DACH2: variants seen among roughly 807,000 people sequenced by gnomAD.
DACH2 encodes dachshund homolog 2.
Under a neutral mutation model 35.8 loss-of-function variants are expected in DACH2, and 17 were observed. That is an observed-to-expected ratio of 0.48 (90% CI 0.33 to 0.71). The LOEUF (loss-of-function observed/expected upper bound fraction) is 0.71. Among genes scored for constraint, DACH2 ranks in the 30% least tolerant of loss-of-function variants. The pLI is 0.02. For missense variants in DACH2, 469 were observed against 472.7 expected, an observed-to-expected ratio of 0.99 and a Z score of 0.07; for synonymous variants, 195 against 177.3, an observed-to-expected ratio of 1.10 and a Z score of -0.79.
At chrX:86,274,791 C>A (rs940265876) in intron 1 of DACH2, among the ~76,000 whole-genome samples, 1 of 110,904 alleles carries the variant, frequency 9.0e-6, no homozygotes, top group African/African-American at 3.3e-5. Flanking sequence ...AGCCACCGCG[C>A]CCTGCCAACA....
intron 1 of DACH2, among the ~76,000 whole-genome samples, chrX:86,155,796 T>A (rs936442501): frequency 6.3e-5 from 7 of 110,890 alleles, no homozygotes; most frequent in African/African-American, 2.3e-4. Context: ...TATTCCTACC[T>A]TTATTAGAAT....
At chrX:86,286,398 G>A (rs1243464617) in intron 1 of DACH2, among the ~76,000 whole-genome samples, 1 of 110,877 alleles carries the variant, frequency 9.0e-6, no homozygotes, top group African/African-American at 3.3e-5. Context: ...CCAAAGTGCT[G>A]GGATTACAGG....
intron 1 of DACH2, among the ~76,000 whole-genome samples, chrX:86,196,920 G>C (rs1331657801): frequency 9.1e-6 from 1 of 109,513 alleles, no homozygotes; most frequent in Non-Finnish European, 1.9e-5. Context: ...ACCCAAGTAA[G>C]ATACTTCAAA....
intron 6 of DACH2, among the ~76,000 whole-genome samples, chrX:86,738,200 A>C (rs2041616484): frequency 8.9e-6 from 1 of 112,010 alleles, no homozygotes; most frequent in South Asian, 3.7e-4. Context: ...ACAAATTCAC[A>C]GGTTCCTGTA....
chrX:86,613,816 G>A (rs1207859345), intron 3 of DACH2, among the ~76,000 whole-genome samples: 2 of 111,316 alleles, frequency 1.8e-5, no homozygotes, highest in African/African-American at 6.5e-5. Context: ...CAGTCACATG[G>A]TCTGTTCTAG....
At chrX:86,498,697 A>G (rs747711450) in intron 2 of DACH2, among the ~76,000 whole-genome samples, 9 of 112,334 alleles carry the variant, frequency 8.0e-5, no homozygotes, top group African/African-American at 2.6e-4. Context: ...TACCTGGCTT[A>G]TAGTTATGAA....
chrX:86,153,610 A>C (rs778504069), intron 1 of DACH2, among the ~76,000 whole-genome samples: 19 of 111,902 alleles, frequency 1.7e-4, no homozygotes, highest in African/African-American at 6.1e-4. Flanking sequence ...AAAACATTTT[A>C]GAAAAGAATC....
At chrX:86,360,564 C>T (rs1320793222) in intron 1 of DACH2, among the ~76,000 whole-genome samples, 3 of 111,234 alleles carry the variant, frequency 2.7e-5, no homozygotes, top group Non-Finnish European at 3.8e-5. Context: ...CATATCAACC[C>T]AATACATGCT....
intron 1 of DACH2, among the ~76,000 whole-genome samples, chrX:86,375,507 C>A (rs1375641659): frequency 9.6e-6 from 1 of 104,153 alleles, no homozygotes; most frequent in East Asian, 3.0e-4. Flanking sequence ...GAAAAAGTGC[C>A]CTCAAATCCA....
At chrX:86,510,646 G>A (rs1374461063) in intron 2 of DACH2, among the ~76,000 whole-genome samples, 1 of 111,170 alleles carries the variant, frequency 9.0e-6, no homozygotes, top group African/African-American at 3.3e-5. Context: ...AAATAACCTA[G>A]AAATATTACA....
At chrX:86,815,522 A>G (rs2042439080) in intron 10 of DACH2, among the ~76,000 whole-genome samples, 1 of 109,049 alleles carries the variant, frequency 9.2e-6, no homozygotes, top group Admixed American at 1.0e-4. Flanking sequence ...TAGAGCCAGT[A>G]CTACATGAAG....
intron 5 of DACH2, 109 bp downstream of exon 5, chrX:86,695,288 T>A: frequency 1.5e-6 from 1 of 649,584 alleles, no homozygotes; most frequent in Non-Finnish European, 2.1e-6. Flanking sequence ...CAATAAAGTT[T>A]AACAATTTAA....
chrX:86,322,501 T>G (rs1306585630), intron 1 of DACH2, among the ~76,000 whole-genome samples: 1 of 111,426 alleles, frequency 9.0e-6, no homozygotes, highest in East Asian at 2.9e-4. Flanking sequence ...GCACCATAAT[T>G]GCCACCCTGT....
chrX:86,284,667 G>A (rs1227624715), intron 1 of DACH2, among the ~76,000 whole-genome samples: 1 of 111,120 alleles, frequency 9.0e-6, no homozygotes, highest in Non-Finnish European at 1.9e-5. Flanking sequence ...AATTGTTTGA[G>A]TAGGATTGGT....
At chrX:86,750,324 T>C (rs1415591808) in intron 7 of DACH2, among the ~76,000 whole-genome samples, 2 of 112,243 alleles carry the variant, frequency 1.8e-5, no homozygotes, top group Non-Finnish European at 3.8e-5. Flanking sequence ...TTTGTCACAT[T>C]GTTTTGCTGT....
At chrX:86,335,392 T>C (rs1041463857) in intron 1 of DACH2, among the ~76,000 whole-genome samples, 2 of 112,183 alleles carry the variant, frequency 1.8e-5, no homozygotes, top group Non-Finnish European at 3.8e-5. Context: ...TAACATGAAA[T>C]GTTTTTCCAT....
At chrX:86,731,617 A>G (rs2041533332) in intron 6 of DACH2, among the ~76,000 whole-genome samples, 1 of 112,257 alleles carries the variant, frequency 8.9e-6, no homozygotes, top group South Asian at 3.6e-4. Flanking sequence ...ATGGTATTAA[A>G]TTGGAAGGGA....
At chrX:86,717,029 T>A (rs12858294) in intron 6 of DACH2, among the ~76,000 whole-genome samples, 29,943 of 111,275 alleles carry the variant, frequency 0.27, 3,361 homozygotes, top group Middle Eastern at 0.42. Context: ...TCTACTTTCA[T>A]GTGGTTATTT....
At chrX:86,541,023 A>G (rs2038873284) in intron 3 of DACH2, among the ~76,000 whole-genome samples, 1 of 111,712 alleles carries the variant, frequency 9.0e-6, no homozygotes, top group South Asian at 3.7e-4. Context: ...TTACCTGTGA[A>G]AAACCTACCT....
Sources: gnomAD v4.1 joint callset for allele counts (sites outside exome capture counted in the v4.1 genomes callset) on GRCh38, gnomAD v4.1.1 for gene constraint, MANE v1.5 for transcripts, NCBI Gene and HGNC (gene_info 2026-07-23, HGNC 2026-07-21) for gene names.